Variants in CNTNAP2 observed in about 807,000 individuals in gnomAD.
The protein encoded by CNTNAP2 is contactin associated protein 2, also known as contactin-associated protein-like 2.
CNTNAP2 carries 98 observed loss-of-function variants against 155.2 expected under a neutral mutation model. The ratio of observed to expected loss-of-function variants is 0.63; its 90% CI spans 0.54 to 0.75. The LOEUF (loss-of-function observed/expected upper bound fraction) is 0.75, where lower values mean the gene tolerates loss of function less well. Among genes scored for constraint, CNTNAP2 ranks in the 30% least tolerant of loss-of-function variants. The pLI is 0.00. For missense variants in CNTNAP2, 1,727 were observed against 1,688.1 expected, an observed-to-expected ratio of 1.02 and a Z score of -0.40; for synonymous variants, 651 against 631.2, an observed-to-expected ratio of 1.03 and a Z score of -0.47.
At chr7:147,835,418 T>C (rs927429676) in intron 13 of CNTNAP2, among the ~76,000 whole-genome samples, 2 of 152,140 alleles carry the variant, frequency 1.3e-5, no homozygotes, top group Admixed American at 6.6e-5. Context: ...CAGCAGATAG[T>C]GGCCAAGATA....
intron 8 of CNTNAP2, among the ~76,000 whole-genome samples, chr7:147,151,106 C>T (rs1207045307): frequency 6.6e-6 from 1 of 152,176 alleles, no homozygotes; most frequent in Non-Finnish European, 1.5e-5. Context: ...CTTAAAAGGT[C>T]ACACAAATTC....
chr7:147,462,941 A>G (rs1294466429), intron 10 of CNTNAP2, among the ~76,000 whole-genome samples: 1 of 152,214 alleles, frequency 6.6e-6, no homozygotes, highest in East Asian at 1.9e-4. Flanking sequence ...ACTTGTTTTG[A>G]ATGTGCTGTA....
intron 13 of CNTNAP2, among the ~76,000 whole-genome samples, chr7:147,791,172 G>C (rs1251211475): frequency 6.7e-6 from 1 of 150,258 alleles, no homozygotes; most frequent in African/African-American, 2.5e-5. Flanking sequence ...TTTCTCATTT[G>C]TCCTAGATGC....
chr7:147,267,919 A>G (rs1804652636), intron 8 of CNTNAP2, among the ~76,000 whole-genome samples: 1 of 152,136 alleles, frequency 6.6e-6, no homozygotes, highest in Non-Finnish European at 1.5e-5. Flanking sequence ...GGAAGTCTGG[A>G]GTAGTCCCTG....
chr7:146,371,599 T>C (rs1795237516), intron 1 of CNTNAP2, among the ~76,000 whole-genome samples: 1 of 151,946 alleles, frequency 6.6e-6, no homozygotes, highest in South Asian at 2.1e-4. Context: ...TCTCCTGACC[T>C]TGTGATCCGC....
chr7:146,897,671 CCTTT>C lies in CNTNAP2; in HGVS notation c.402+57771_402+57774del, dbSNP rs534724625. On this transcript the variant is annotated intron_variant, in intron 3 of 23. Coordinates refer to ENST00000361727, the MANE Select transcript of CNTNAP2 (RefSeq NM_014141.6). ...TTTTCCCTTACAAATTTGTCTCTGC[CCTTT>C]CTTAGTACACATCAGTGATGATATT... Among the ~76,000 whole-genome samples the C allele has an allele frequency of 9.2e-5, 14 of 151,946 alleles. No individual in the cohort carries two copies. The South Asian group carries it at 2.9e-3, about 32-fold the overall frequency.
intron 3 of CNTNAP2, among the ~76,000 whole-genome samples, chr7:146,864,301 A>G (rs911669766): frequency 2.0e-5 from 3 of 152,160 alleles, no homozygotes; most frequent in African/African-American, 7.2e-5. Flanking sequence ...TTGGTTCAAT[A>G]TTTTAAAAAA....
chr7:147,571,895 C>T (rs1800301230), intron 12 of CNTNAP2, among the ~76,000 whole-genome samples: 1 of 152,196 alleles, frequency 6.6e-6, no homozygotes, highest in Non-Finnish European at 1.5e-5. Flanking sequence ...CTATGGTTAA[C>T]CCACTCAGAG....
intron 1 of CNTNAP2, among the ~76,000 whole-genome samples, chr7:146,642,343 G>A (rs1799725279): frequency 7.9e-6 from 1 of 126,384 alleles, no homozygotes; most frequent in Admixed American, 1.0e-4. Context: ...AGAGTGTGAT[G>A]TTCCCCTTCC....
At chr7:146,476,188 A>G (rs1283683492) in intron 1 of CNTNAP2, among the ~76,000 whole-genome samples, 2 of 152,196 alleles carry the variant, frequency 1.3e-5, no homozygotes, top group Non-Finnish European at 2.9e-5. Context: ...TTTGCCTTTA[A>G]GTACAAATGT....
intron 1 of CNTNAP2, among the ~76,000 whole-genome samples, chr7:146,291,264 C>G (rs1055347049): frequency 1.3e-5 from 2 of 152,152 alleles, no homozygotes; most frequent in Admixed American, 6.5e-5. Context: ...AACCAGGGGC[C>G]TGCAAACTGT....
rs190856570 is a variant in CNTNAP2 at position 146,159,791 on chromosome 7, G to A, written c.97+42818G>A. Among the ~76,000 whole-genome samples, 124 of 152,144 alleles carry A rather than the reference G, an allele frequency of 8.2e-4. 2 individuals are homozygous for A. The East Asian group carries it at 0.02, about 25-fold the overall frequency. On this transcript the variant is annotated intron_variant, in intron 1 of 23. Coordinates refer to ENST00000361727, the MANE Select transcript of CNTNAP2 (RefSeq NM_014141.6). ...CTTAGACTCCCACACAATAATTATG[G>A]GAGATTTTAACACCCCACTGTCAAC...
At chr7:147,378,689 A>G (rs755260924) in intron 9 of CNTNAP2, among the ~76,000 whole-genome samples, 3 of 152,108 alleles carry the variant, frequency 2.0e-5, no homozygotes, top group African/African-American at 7.2e-5. Context: ...TTAATGTTTG[A>G]TAGTACAACA....
intron 13 of CNTNAP2, among the ~76,000 whole-genome samples, chr7:147,783,716 C>A (rs566793422): frequency 6.6e-6 from 1 of 152,226 alleles, no homozygotes; most frequent in South Asian, 2.1e-4. Flanking sequence ...GAGAGTGAAG[C>A]CCTCATAAAT....
chr7:146,724,173 A>G (rs917414504), intron 1 of CNTNAP2, among the ~76,000 whole-genome samples: 1 of 152,150 alleles, frequency 6.6e-6, no homozygotes, highest in Non-Finnish European at 1.5e-5. Context: ...ACTTATTGCC[A>G]ATTTGCTATC....
rs370240438 is a variant in CNTNAP2, at chr7:146,820,993, C to T, written c.209-18718C>T. Among the ~76,000 whole-genome samples the T allele has an allele frequency of 5.3e-5, 8 of 152,082 alleles. No individual in the cohort carries two copies. The South Asian group carries it at 1.7e-3, about 32-fold the overall frequency. On this transcript the variant is annotated intron_variant, in intron 2 of 23. Transcript: ENST00000361727. Reference sequence around the variant, plus strand: ...CAGAGACTAGGATTGCAACCCCTGCCTTTTCTTGTTTTCCATTTGCTTGGT... The same window carrying T: ...CAGAGACTAGGATTGCAACCCCTGCTTTTTCTTGTTTTCCATTTGCTTGGT...
chr7:147,388,129 G>GATA (rs1796652917), intron 9 of CNTNAP2, among the ~76,000 whole-genome samples: 1 of 151,608 alleles, frequency 6.6e-6, no homozygotes, highest in Non-Finnish European at 1.5e-5. Context: ...TTTTTATTTT[G>GATA]ATATTCAAAA....
At chr7:146,446,995 T>A (rs1002753150) in intron 1 of CNTNAP2, among the ~76,000 whole-genome samples, 2 of 152,052 alleles carry the variant, frequency 1.3e-5, no homozygotes, top group African/African-American at 2.4e-5. Flanking sequence ...GCAATATTTT[T>A]ATTTTATTGT....
chr7:148,271,031 A>G (rs1362361940), intron 21 of CNTNAP2, among the ~76,000 whole-genome samples: 1 of 152,226 alleles, frequency 6.6e-6, no homozygotes, highest in Non-Finnish European at 1.5e-5. Context: ...ATACTTGTGG[A>G]GTAAATGAAC....
Sources: allele counts gnomAD v4.1 joint callset (sites outside exome capture counted in the v4.1 genomes callset), GRCh38; gene constraint gnomAD v4.1.1; transcripts MANE v1.5; gene names NCBI Gene and HGNC (gene_info 2026-07-23, HGNC 2026-07-21).